Variants in MTA3 observed in about 807,000 individuals in gnomAD.
MTA3 encodes the protein metastasis associated 1 family member 3.
Under a neutral mutation model 83.5 loss-of-function variants are expected in MTA3, and 34 were observed. The observed-to-expected ratio is 0.41, with a 90% CI of 0.31 to 0.54. The LOEUF (loss-of-function observed/expected upper bound fraction) is 0.54, where lower values mean the gene tolerates loss of function less well. Among genes scored for constraint, MTA3 ranks in the 20% least tolerant of loss-of-function variants. MTA3 has a pLI of 0.33. For missense variants in MTA3, 761 were observed against 726.4 expected (o/e 1.05, Z -0.55); for synonymous variants, 303 against 252.7 (o/e 1.20, Z -1.89).
chr2:42,586,279 GA>G (rs571930742), intron 3 of MTA3, among the ~76,000 whole-genome samples: 4,328 of 104,624 alleles, frequency 0.041, 79 homozygotes, highest in Non-Finnish European at 0.059. Context: ...CATCTCAAAA[GA>G]AAAAAAAAAA....
intron 2 of MTA3, among the ~76,000 whole-genome samples, chr2:42,497,206 G>C (rs988750876): frequency 6.6e-5 from 10 of 151,438 alleles, no homozygotes; most frequent in Non-Finnish European, 1.3e-4. Context: ...AACTCCTCTT[G>C]AAACTAGAGG....
intron 3 of MTA3, among the ~76,000 whole-genome samples, chr2:42,586,558 ACACACACACACACACACACACACACAC>A (rs1680343222): frequency 1.8e-3 from 1 of 542 alleles, no homozygotes; most frequent in Admixed American, 0.022. Flanking sequence ...AGGAAGGAAA[ACACACACACACACACACACACACACAC>A]ACACACACAC....
At chr2:42,530,783 C>G (rs1237399892) in intron 2 of MTA3, among the ~76,000 whole-genome samples, 1 of 152,004 alleles carries the variant, frequency 6.6e-6, no homozygotes, top group Non-Finnish European at 1.5e-5. Context: ...GAAACTCTGT[C>G]TGAAAAAAAG....
intron 2 of MTA3, among the ~76,000 whole-genome samples, chr2:42,558,291 G>A (rs930951612): frequency 1.3e-5 from 2 of 149,986 alleles, no homozygotes; most frequent in African/African-American, 4.9e-5. Flanking sequence ...ACCCAGGCTG[G>A]AGTGCAATGG....
intron 9 of MTA3, among the ~76,000 whole-genome samples, chr2:42,690,572 G>C (rs2104457176): frequency 6.6e-6 from 1 of 150,436 alleles, no homozygotes; most frequent in South Asian, 2.1e-4. Flanking sequence ...GTAATTCTTA[G>C]CCATTTTCTT....
At chr2:42,748,389 G>T (rs1669610455) in intron 16 of MTA3, among the ~76,000 whole-genome samples, 2 of 152,154 alleles carry the variant, frequency 1.3e-5, no homozygotes, top group South Asian at 4.1e-4. Flanking sequence ...TATATAAATG[G>T]AGTCATACAG....
intron 16 of MTA3, among the ~76,000 whole-genome samples, chr2:42,737,520 C>T (rs912822890): frequency 3.9e-5 from 6 of 152,122 alleles, no homozygotes; most frequent in Non-Finnish European, 7.4e-5. Context: ...ACTGTGATCG[C>T]TTACCTGATT....
At chr2:42,616,433 T>TC (rs1684898722) in intron 4 of MTA3, among the ~76,000 whole-genome samples, 1 of 151,572 alleles carries the variant, frequency 6.6e-6, no homozygotes, top group African/African-American at 2.4e-5. Flanking sequence ...TTTTTTTTTT[T>TC]TTTAATGTTT....
chr2:42,754,294 A>C lies in MTA3; in HGVS notation c.*895A>C, dbSNP rs1670093191. 1 of 985,368 alleles carries C rather than the reference A, an allele frequency of 1.0e-6. No individual in the cohort carries two copies. The highest frequency in any genetic ancestry group is 1.2e-6 in the Non-Finnish European group (1 of 829,976). The allele number at this position is 985,368 out of a possible 1,614,324, so 61.0% of individuals were successfully genotyped here. ...CAAATGACCTAGTTTCATTTTAAGC[A>C]GACAGACTCTGTTTGGCCTAGAGGT... On this transcript the variant is annotated 3_prime_UTR_variant, in exon 17 of 17. Coordinates refer to ENST00000405094, the MANE Select transcript of MTA3 (RefSeq NM_001330442.2).
chr2:42,511,630 CG>C (rs1674900047), intron 2 of MTA3: 1 of 152,226 alleles, frequency 6.6e-6, no homozygotes, highest in Non-Finnish European at 1.5e-5. Context: ...GCAGGAGAAT[CG>C]CTTGAACCCA....
At chr2:42,636,585 G>C (rs192128911) in intron 4 of MTA3, among the ~76,000 whole-genome samples, 2 of 151,376 alleles carry the variant, frequency 1.3e-5, no homozygotes, top group East Asian at 3.9e-4. Flanking sequence ...CTACAGGCAG[G>C]GGGTAAATGA....
intron 2 of MTA3, among the ~76,000 whole-genome samples, chr2:42,553,600 T>C (rs1677229128): frequency 6.7e-6 from 1 of 149,896 alleles, no homozygotes; most frequent in Non-Finnish European, 1.5e-5. Flanking sequence ...CCGAGTATGG[T>C]GGCGCATGCC....
intron 14 of MTA3, among the ~76,000 whole-genome samples, chr2:42,716,439 C>T (rs769406435): frequency 2.6e-5 from 4 of 152,064 alleles, no homozygotes; most frequent in Non-Finnish European, 4.4e-5. Flanking sequence ...ATTATTAAGC[C>T]TAGTACCCAT....
At chr2:42,705,376 C>T (rs1426182616) in intron 12 of MTA3, among the ~76,000 whole-genome samples, 7 of 152,124 alleles carry the variant, frequency 4.6e-5, no homozygotes, top group Non-Finnish European at 1.0e-4. Context: ...GAAAAGAATC[C>T]TGCAGACAAG....
chr2:42,576,338 A>C (rs1297622869), intron 2 of MTA3, among the ~76,000 whole-genome samples: 1 of 152,242 alleles, frequency 6.6e-6, no homozygotes, highest in African/African-American at 2.4e-5. Flanking sequence ...TGAGGCCTAA[A>C]GGATGAGGAA....
rs574152298 is a variant in MTA3, at chr2:42,577,574, AG to A, written c.97-1531del. 8.6e-3 allele frequency among the ~76,000 whole-genome samples: 1,301 copies of A among 150,714 alleles called. 15 individuals carry two copies. Among genetic ancestry groups the A allele is most frequent in the African/African-American group, 0.029 (1,191 of 41,000 alleles). On this transcript the variant is annotated intron_variant, in intron 2 of 16. Coordinates refer to ENST00000405094, the MANE Select transcript of MTA3 (RefSeq NM_001330442.2). ...TGGCTCACTGCAACCTCCACCTCCC[AG>A]GTTCAAGCGATTCTCCTGCCTCAGC...
intron 16 of MTA3, among the ~76,000 whole-genome samples, chr2:42,726,856 T>G (rs926848574): frequency 6.6e-6 from 1 of 152,144 alleles, no homozygotes. Flanking sequence ...ACACAGGCCC[T>G]GTGACCAATC....
intron 3 of MTA3, among the ~76,000 whole-genome samples, chr2:42,587,303 C>A (rs1478968224): frequency 1.3e-5 from 2 of 152,114 alleles, no homozygotes; most frequent in East Asian, 3.8e-4. Flanking sequence ...CAGAACAAGA[C>A]CCTGCCTCCC....
intron 2 of MTA3, among the ~76,000 whole-genome samples, chr2:42,574,686 A>AT (rs1354111213): frequency 6.6e-6 from 1 of 152,190 alleles, no homozygotes; most frequent in Non-Finnish European, 1.5e-5. Context: ...TTGGCCTCCC[A>AT]AAGTGCTGGG....
Sources: gnomAD v4.1 joint callset for allele counts (sites outside exome capture counted in the v4.1 genomes callset) on GRCh38, gnomAD v4.1.1 for gene constraint, MANE v1.5 for transcripts, NCBI Gene and HGNC (gene_info 2026-07-23, HGNC 2026-07-21) for gene names.